The following XIRP2 variants were observed in gnomAD, a reference collection of about 807,000 sequenced individuals.
XIRP2 encodes the protein xin actin-binding repeat-containing protein 2.
Under a neutral mutation model 277.0 loss-of-function variants are expected in XIRP2, and 236 were observed. The observed-to-expected ratio is 0.85, with a 90% confidence interval of 0.77 to 0.95. XIRP2 has a LOEUF of 0.95. Among genes scored for constraint, XIRP2 ranks in the 40% least tolerant of loss-of-function variants. The pLI, the probability that XIRP2 is intolerant of heterozygous loss-of-function variation, is 0.00. For missense variants in XIRP2, 4,640 were observed against 4,157.5 expected (o/e 1.12, Z -3.19); for synonymous variants, 1,490 against 1,416.5 (o/e 1.05, Z -1.17).
At chr2:167,071,235 T>G (rs1312150750) in intron 2 of XIRP2, among the ~76,000 whole-genome samples, 1 of 152,170 alleles carries the variant, frequency 6.6e-6, no homozygotes, top group Non-Finnish European at 1.5e-5. Flanking sequence ...TAAACTGGGT[T>G]GGTTAAACAG....
intron 2 of XIRP2, among the ~76,000 whole-genome samples, chr2:166,921,600 C>A (rs1685042125): frequency 6.6e-6 from 1 of 152,068 alleles, no homozygotes; most frequent in African/African-American, 2.4e-5. Flanking sequence ...AAGGAAAAAT[C>A]ACATTTCATT....
At chr2:166,975,618 TATAA>T (rs1324592111) in intron 2 of XIRP2, among the ~76,000 whole-genome samples, 2 of 152,056 alleles carry the variant, frequency 1.3e-5, no homozygotes, top group African/African-American at 4.8e-5. Flanking sequence ...GCTACATAGG[TATAA>T]ATATTTAAAA....
chr2:166,924,922 G>A (rs1685144020), intron 2 of XIRP2, among the ~76,000 whole-genome samples: 1 of 152,000 alleles, frequency 6.6e-6, no homozygotes, highest in Admixed American at 6.6e-5. Context: ...CAAGAAAAGA[G>A]TTTGTATTTT....
chr2:167,245,527 A>C lies in XIRP2; in HGVS notation c.4135A>C (p.Ile1379Leu). 6.2e-7 allele frequency: 1 copy of C among 1,613,660 alleles called. No homozygotes were observed. Among genetic ancestry groups the C allele is most frequent in the Non-Finnish European group, 8.5e-7 (1 of 1,179,742 alleles). Residue 1379 changes from isoleucine (I) to leucine (L), a missense_variant, in exon 9 of 11, where the codon ATT becomes CTT. Coordinates refer to ENST00000409195, the MANE Select transcript of XIRP2 (RefSeq NM_152381.6). ...TATTAAATCTGTCACACAAGAAGAC[A>C]TTCAGAAGGGAGATGTTAGTTCTGT... ...YVIKSVTQED[I>L]QKGDVSSVRY... is the part of the protein sequence containing the mutation.
chr2:167,195,618 A>T (rs1227556208), intron 3 of XIRP2, among the ~76,000 whole-genome samples: 1 of 152,210 alleles, frequency 6.6e-6, no homozygotes, highest in Non-Finnish European at 1.5e-5. Context: ...GTCTGTGAAG[A>T]CCAGACCGTT....
intron 3 of XIRP2, among the ~76,000 whole-genome samples, chr2:167,201,242 GAAAGAAAGA>G (rs1693696600): frequency 1.0e-5 from 1 of 98,828 alleles, no homozygotes; most frequent in African/African-American, 6.9e-5. Context: ...AAGAAAGAAA[GAAAGAAAGA>G]AAGAAAGAAA....
At chr2:166,952,723 GT>G (rs1032293826) in intron 2 of XIRP2, among the ~76,000 whole-genome samples, 21 of 148,982 alleles carry the variant, frequency 1.4e-4, no homozygotes, top group Non-Finnish European at 2.8e-4. Flanking sequence ...TCTTTACTCT[GT>G]TTTTTTTTCA....
At chr2:167,204,660 A>T (rs909153947) in intron 3 of XIRP2, among the ~76,000 whole-genome samples, 1 of 152,224 alleles carries the variant, frequency 6.6e-6, no homozygotes, top group Non-Finnish European at 1.5e-5. Flanking sequence ...CATGTTTGCT[A>T]TGAAGTTTTC....
chr2:167,064,116 A>G (rs772309094), intron 2 of XIRP2, among the ~76,000 whole-genome samples: 2 of 151,850 alleles, frequency 1.3e-5, no homozygotes, highest in Non-Finnish European at 2.9e-5. Flanking sequence ...ATAATTAACA[A>G]AGTAAAATTT....
At chr2:166,892,868 G>A (rs1306368122) in intron 1 of XIRP2, among the ~76,000 whole-genome samples, 2 of 147,194 alleles carry the variant, frequency 1.4e-5, no homozygotes, top group East Asian at 2.0e-4. Flanking sequence ...ATATATATAT[G>A]TATGTGTGTA....
At chr2:167,004,179 C>A (rs1687445097) in intron 2 of XIRP2, among the ~76,000 whole-genome samples, 1 of 151,754 alleles carries the variant, frequency 6.6e-6, no homozygotes, top group Non-Finnish European at 1.5e-5. Flanking sequence ...TATAAGAAGG[C>A]AACAGCCATG....
intron 3 of XIRP2, among the ~76,000 whole-genome samples, chr2:167,149,831 A>G (rs763252117): frequency 3.3e-5 from 5 of 152,128 alleles, no homozygotes; most frequent in Non-Finnish European, 7.4e-5. Flanking sequence ...ATGTTAAAGT[A>G]CTAAAAAAAA....
intron 3 of XIRP2, among the ~76,000 whole-genome samples, chr2:167,173,202 G>A (rs73023992): frequency 0.099 from 15,028 of 152,154 alleles, 796 homozygotes; most frequent in South Asian, 0.15. Context: ...CTGTTGTGCT[G>A]TCAAATAGTT....
intron 2 of XIRP2, among the ~76,000 whole-genome samples, chr2:166,980,700 G>A (rs1686841689): frequency 6.6e-6 from 1 of 152,158 alleles, no homozygotes; most frequent in African/African-American, 2.4e-5. Flanking sequence ...TTACAGGCAT[G>A]AGCCACCATG....
At chr2:167,154,477 C>T (rs958508401) in intron 3 of XIRP2, among the ~76,000 whole-genome samples, 2 of 150,704 alleles carry the variant, frequency 1.3e-5, no homozygotes, top group East Asian at 1.9e-4. Flanking sequence ...ACATGAAGTC[C>T]TTGCCCATGC....
intron 2 of XIRP2, among the ~76,000 whole-genome samples, chr2:167,027,966 G>A (rs1558953668): frequency 6.6e-6 from 1 of 151,896 alleles, no homozygotes. Context: ...GTGAGAAGAG[G>A]CATCACACAC....
intron 2 of XIRP2, among the ~76,000 whole-genome samples, chr2:167,102,340 T>C (rs906788440): frequency 5.3e-5 from 8 of 152,212 alleles, no homozygotes; most frequent in Non-Finnish European, 8.8e-5. Flanking sequence ...TCACCCCTTA[T>C]CCTTTCTCAC....
At chr2:166,927,965 AG>A (rs1365489196) in intron 2 of XIRP2, among the ~76,000 whole-genome samples, 1 of 152,166 alleles carries the variant, frequency 6.6e-6, no homozygotes, top group Non-Finnish European at 1.5e-5. Flanking sequence ...TGTTAAAGAA[AG>A]GCTAAACAAT....
chr2:167,193,342 A>T (rs565277479), intron 3 of XIRP2, among the ~76,000 whole-genome samples: 1 of 152,062 alleles, frequency 6.6e-6, no homozygotes, highest in Non-Finnish European at 1.5e-5. Flanking sequence ...ATGTTATGTT[A>T]TTGCCATTTC....
Sources: gnomAD v4.1 joint callset for allele counts (sites outside exome capture counted in the v4.1 genomes callset) on GRCh38, gnomAD v4.1.1 for gene constraint, MANE v1.5 for transcripts, NCBI Gene and HGNC (gene_info 2026-07-23, HGNC 2026-07-21) for gene names.